The following ULK4 variants were observed in gnomAD, a reference collection of about 807,000 sequenced individuals.
ULK4 encodes unc-51 like kinase 4, also known as inactive serine/threonine-protein kinase ULK4.
In ULK4, 133 loss-of-function variants were observed where a neutral mutation model predicts 160.6. The observed-to-expected ratio is 0.83, with a 90% CI of 0.72 to 0.96. The LOEUF (loss-of-function observed/expected upper bound fraction) is 0.96, where lower values mean the gene tolerates loss of function less well. Among genes scored for constraint, ULK4 ranks in the 40% least tolerant of loss-of-function variants. The pLI is 0.00. For synonymous variants in ULK4, 534 were observed against 539.8 expected, an observed-to-expected ratio of 0.99 and a Z score of 0.15; for missense variants, 1,580 against 1,499.5, an observed-to-expected ratio of 1.05 and a Z score of -0.89.
At chr3:41,508,580 G>A (rs2085472030) in intron 32 of ULK4, among the ~76,000 whole-genome samples, 1 of 152,124 alleles carries the variant, frequency 6.6e-6, no homozygotes, top group Non-Finnish European at 1.5e-5. Flanking sequence ...TCACTCCCCT[G>A]CTACCTCCAC....
rs781681827 is a variant in ULK4 at position 41,872,399 on chromosome 3, T to C, written c.1656+11475A>G. ...TTGTACACATATTTTGTGACTCTGC[T>C]CTTACTATGATTTTTCCCTACTCAT... On this transcript the variant is annotated intron_variant, in intron 17 of 36. Coordinates refer to ENST00000301831, the MANE Select transcript of ULK4 (RefSeq NM_017886.4). 3.9e-5 allele frequency among the ~76,000 whole-genome samples: 6 copies of C among 152,212 alleles called. No individual in the cohort carries two copies. The South Asian group carries it at 6.2e-4, about 16-fold the overall frequency.
intron 18 of ULK4, among the ~76,000 whole-genome samples, chr3:41,828,829 C>A (rs370065213): frequency 6.6e-6 from 1 of 152,094 alleles, no homozygotes; most frequent in Non-Finnish European, 1.5e-5. Flanking sequence ...AAAGAGCCCA[C>A]ATTGCCAAGT....
At chr3:41,843,352 G>C (rs1206475745) in intron 17 of ULK4, among the ~76,000 whole-genome samples, 2 of 152,232 alleles carry the variant, frequency 1.3e-5, no homozygotes, top group Non-Finnish European at 2.9e-5. Context: ...ACTGTGTCCG[G>C]AATTGGTGGG....
chr3:41,729,532 C>T (rs1353866991), intron 22 of ULK4, among the ~76,000 whole-genome samples: 1 of 152,208 alleles, frequency 6.6e-6, no homozygotes, highest in Non-Finnish European at 1.5e-5. Flanking sequence ...AAAGGCTCCA[C>T]AATACTCAAC....
intron 25 of ULK4, among the ~76,000 whole-genome samples, chr3:41,713,601 T>C (rs1268076664): frequency 6.6e-6 from 1 of 152,242 alleles, no homozygotes; most frequent in East Asian, 1.9e-4. Flanking sequence ...TCTAATTGGG[T>C]GATACCATCA....
chr3:41,734,272 T>C (rs760033998), intron 22 of ULK4, among the ~76,000 whole-genome samples: 2 of 152,132 alleles, frequency 1.3e-5, no homozygotes, highest in Admixed American at 6.6e-5. Context: ...GAAAAAAATA[T>C]GGGTTACTCA....
chr3:41,897,087 T>A, intron 14 of ULK4, 84 bp from the exon 15 acceptor site: 1 of 1,242,312 alleles, frequency 8.0e-7, no homozygotes, highest in Non-Finnish European at 1.1e-6. Context: ...AACACAGAAT[T>A]ACGACAGCTA....
intron 1 of ULK4, among the ~76,000 whole-genome samples, chr3:41,956,107 A>T (rs899954346): frequency 7.9e-5 from 12 of 152,216 alleles, no homozygotes; most frequent in Admixed American, 2.6e-4. Flanking sequence ...CACCTTTTCT[A>T]TGCAGCAGAT....
chr3:41,883,091 C>G (rs1716684), intron 17 of ULK4, among the ~76,000 whole-genome samples: 132,872 of 152,186 alleles, frequency 0.87, 59,706 homozygotes, highest in Non-Finnish European at 0.98. Flanking sequence ...GGGAAATACA[C>G]TGAAATTAAA....
intron 29 of ULK4, among the ~76,000 whole-genome samples, chr3:41,669,618 A>C (rs1480900965): frequency 6.6e-6 from 1 of 152,216 alleles, no homozygotes; most frequent in Non-Finnish European, 1.5e-5. Flanking sequence ...AAAGGAAATA[A>C]GGATATGTCC....
At chr3:41,956,684 T>G (rs538156089) in intron 1 of ULK4, among the ~76,000 whole-genome samples, 23 of 152,308 alleles carry the variant, frequency 1.5e-4, no homozygotes, top group South Asian at 8.3e-4. Context: ...TTCCATGTAA[T>G]CCCTAGACTG....
rs190260317 is a variant in ULK4, at chr3:41,405,150, C to A, written c.3493-6886G>T. On this transcript the variant is annotated intron_variant, in intron 34 of 36. Coordinates refer to ENST00000301831, the MANE Select transcript of ULK4 (RefSeq NM_017886.4). ...CTCTCTTTCTTTCCAATCTAGTAGT[C>A]CCCAGTGTCTATTTTTGCCATCTTT... is the stretch of plus-strand genomic sequence containing the variant. Among the ~76,000 whole-genome samples, 9 of 152,060 alleles carry A rather than the reference C, an allele frequency of 5.9e-5. No homozygotes were observed. In the East Asian group the frequency reaches 1.7e-3, roughly 29 times the overall value.
At chr3:41,866,749 C>G (rs1276587146) in intron 17 of ULK4, among the ~76,000 whole-genome samples, 2 of 143,894 alleles carry the variant, frequency 1.4e-5, no homozygotes, top group Non-Finnish European at 3.0e-5. Flanking sequence ...GGGAAGTCAT[C>G]TAAGCCTGGA....
chr3:41,354,055 C>CAG (rs1208101331), intron 35 of ULK4, among the ~76,000 whole-genome samples: 1 of 152,140 alleles, frequency 6.6e-6, no homozygotes, highest in Non-Finnish European at 1.5e-5. Context: ...GGCAAATAGG[C>CAG]AGAGAGAGGG....
At chr3:41,703,400 C>A (rs925455653) in intron 27 of ULK4, among the ~76,000 whole-genome samples, 1 of 151,866 alleles carries the variant, frequency 6.6e-6, no homozygotes, top group African/African-American at 2.4e-5. Flanking sequence ...GTATCCATGA[C>A]ATTTAAGTAC....
chr3:41,714,663 A>G (rs1258248528), intron 25 of ULK4, among the ~76,000 whole-genome samples: 1 of 152,110 alleles, frequency 6.6e-6, no homozygotes, highest in Non-Finnish European at 1.5e-5. Context: ...ATAACTTTTC[A>G]TTTCTACTTG....
At chr3:41,429,659 T>C (rs1344656345) in intron 34 of ULK4, among the ~76,000 whole-genome samples, 1 of 151,840 alleles carries the variant, frequency 6.6e-6, no homozygotes, top group East Asian at 1.9e-4. Flanking sequence ...AAATATCGCA[T>C]GTTCTCACTT....
In ULK4 at chr3:41,306,281, C is replaced by T. The variant is rs867551743; in HGVS notation, c.3679-56707G>A. The stretch of plus-strand genomic sequence containing the variant: ...CCGGGAGGTGAGGGGCGCCTCTGCC[C>T]GGCCGCCCCTACTGGGAAGTGAGGA... On this transcript the variant is annotated intron_variant, in intron 35 of 36. Coordinates refer to ENST00000301831, the MANE Select transcript of ULK4 (RefSeq NM_017886.4). Among the ~76,000 whole-genome samples the T allele has an allele frequency of 2.2e-4, 27 of 125,334 alleles. 1 individual carries two copies. Among genetic ancestry groups the T allele is most frequent in the East Asian group, 9.4e-4 (4 of 4,252 alleles). 82.2% of individuals were successfully genotyped at this position (125,334 alleles called of 152,430 possible). A position where few individuals can be genotyped will look rare whatever the true frequency, so the allele number is the denominator to read the frequency against.
At chr3:41,903,993 A>G (rs1414752157) in intron 12 of ULK4, among the ~76,000 whole-genome samples, 7 of 13,908 alleles carry the variant, frequency 5.0e-4, no homozygotes, top group Non-Finnish European at 4.3e-3. Context: ...AAGGCTCTTA[A>G]AAAAAAAAAA....
Sources: allele counts gnomAD v4.1 joint callset (sites outside exome capture counted in the v4.1 genomes callset), GRCh38; gene constraint gnomAD v4.1.1; transcripts MANE v1.5; gene names NCBI Gene and HGNC (gene_info 2026-07-23, HGNC 2026-07-21).